The following CFAP47 variants were observed in gnomAD, a reference collection of about 807,000 sequenced individuals.
CFAP47 encodes the protein cilia- and flagella-associated protein 47.
CFAP47 carries 29 observed loss-of-function variants against 148.1 expected under a neutral mutation model. That is an observed-to-expected ratio of 0.20 (90% CI 0.15 to 0.27). The LOEUF (loss-of-function observed/expected upper bound fraction) is 0.27. Among genes scored for constraint, CFAP47 ranks in the 10% least tolerant of loss-of-function variants. The pLI is 1.00. For synonymous variants in CFAP47, 664 were observed against 577.3 expected (o/e 1.15, Z -2.15); for missense variants, 1,872 against 1,697.5 (o/e 1.10, Z -1.81).
chrX:36,162,582 A>G (rs769991181), intron 39 of CFAP47, among the ~76,000 whole-genome samples: 1 of 111,706 alleles, frequency 9.0e-6, no homozygotes, highest in South Asian at 3.7e-4. Flanking sequence ...CCAATATTGT[A>G]TGCATAAGTG....
At chrX:35,924,551 G>GCACC (rs1569202380) in intron 1 of CFAP47, among the ~76,000 whole-genome samples, 1 of 99,942 alleles carries the variant, frequency 1.0e-5, no homozygotes, top group African/African-American at 4.2e-5. Flanking sequence ...ACCTATATGT[G>GCACC]TATATATGCG....
rs1409568411 is a variant in CFAP47, at chrX:36,353,693, A to G, written c.8851+12A>G. On this transcript the variant is annotated intron_variant, in intron 60 of 63. Transcript: ENST00000378653. Reference sequence around the variant, plus strand: ...TGAGGATCCCAATGGTAAGAGAACTACGGTTATAGAAAAAATAAAATGAAA... The same window carrying G: ...TGAGGATCCCAATGGTAAGAGAACTGCGGTTATAGAAAAAATAAAATGAAA... The G allele has an allele frequency of 1.8e-6, 2 of 1,108,559 alleles. No homozygotes were observed. Among genetic ancestry groups the G allele is most frequent in the African/African-American group, 1.9e-5 (1 of 53,395 alleles). 91.4% of individuals were successfully genotyped at this position (1,108,559 alleles called of 1,213,427 possible).
rs1302714400 is a variant in CFAP47 at position 36,019,240 on chromosome X, C to A, written c.3556+4328C>A. 5.4e-5 allele frequency among the ~76,000 whole-genome samples: 6 copies of A among 111,659 alleles called. No individual in the cohort carries two copies. The East Asian group carries it at 1.7e-3, about 32-fold the overall frequency. Reference sequence around the variant, plus strand: ...GTCCTGTAAACAGTTAAGACTGTGGCCTCAATCAGTCAGTGAGATTTGCAT... The same window carrying A: ...GTCCTGTAAACAGTTAAGACTGTGGACTCAATCAGTCAGTGAGATTTGCAT... On this transcript the variant is annotated intron_variant, in intron 22 of 63. Coordinates refer to ENST00000378653, the MANE Select transcript of CFAP47 (RefSeq NM_001304548.2).
chrX:35,954,244 T>G (rs1936211259), intron 7 of CFAP47, among the ~76,000 whole-genome samples: 1 of 110,723 alleles, frequency 9.0e-6, no homozygotes, highest in African/African-American at 3.3e-5. Flanking sequence ...CAGGTTATAT[T>G]AGGTTGGTTA....
At chrX:36,012,723 T>C (rs1172871127) in intron 21 of CFAP47, among the ~76,000 whole-genome samples, 2 of 111,433 alleles carry the variant, frequency 1.8e-5, no homozygotes, top group African/African-American at 3.3e-5. Context: ...ATGCGGGGCT[T>C]AAAACCTAGA....
At chrX:36,181,309 A>T (rs1055444209) in intron 40 of CFAP47, among the ~76,000 whole-genome samples, 1 of 111,498 alleles carries the variant, frequency 9.0e-6, no homozygotes, top group African/African-American at 3.3e-5. Flanking sequence ...GAGTTCTGGG[A>T]TTGTTGAAGC....
At chrX:36,285,584 G>A in intron 50 of CFAP47, 45 bp from the exon 51 acceptor site, 1 of 535,217 alleles carries the variant, frequency 1.9e-6, no homozygotes, top group Non-Finnish European at 3.2e-6. Flanking sequence ...GTTAAGTATG[G>A]TATTCTGAAG....
At chrX:36,105,069 A>C (rs1464384531) in intron 33 of CFAP47, among the ~76,000 whole-genome samples, 2 of 111,768 alleles carry the variant, frequency 1.8e-5, no homozygotes, top group Admixed American at 1.9e-4. Context: ...CCTAGAAAAA[A>C]TTTCACATGT....
intron 10 of CFAP47, among the ~76,000 whole-genome samples, chrX:35,968,689 A>G (rs1307995142): frequency 1.8e-5 from 2 of 111,023 alleles, no homozygotes; most frequent in Non-Finnish European, 3.8e-5. Flanking sequence ...TTTATTGTCT[A>G]TGATAGGAAA....
chrX:36,073,715 A>G (rs1161554520), intron 29 of CFAP47, among the ~76,000 whole-genome samples: 4 of 111,212 alleles, frequency 3.6e-5, no homozygotes, highest in Non-Finnish European at 7.6e-5. Flanking sequence ...AGCCAGGTAG[A>G]CAGGTAATGG....
chrX:36,063,865 C>A (rs1937614435), intron 26 of CFAP47, among the ~76,000 whole-genome samples: 1 of 111,838 alleles, frequency 8.9e-6, no homozygotes, highest in Non-Finnish European at 1.9e-5. Context: ...GCAACCTAAT[C>A]CTGTAGGTTT....
intron 30 of CFAP47, among the ~76,000 whole-genome samples, chrX:36,093,027 G>A (rs1938212466): frequency 9.1e-6 from 1 of 110,367 alleles, no homozygotes; most frequent in African/African-American, 3.3e-5. Context: ...TTCTGTGCTT[G>A]GCTTATTTCA....
chrX:36,157,133 C>T (rs1939377442), intron 37 of CFAP47, among the ~76,000 whole-genome samples: 1 of 111,516 alleles, frequency 9.0e-6, no homozygotes, highest in Admixed American at 9.6e-5. Context: ...CATCTTTATA[C>T]TAGACTGCCA....
At chrX:36,313,412 C>T (rs782711523) in intron 56 of CFAP47, among the ~76,000 whole-genome samples, 669 of 110,556 alleles carry the variant, frequency 6.1e-3, no homozygotes, top group African/African-American at 0.021. Flanking sequence ...AATTCACTCA[C>T]TCTCATCAGA....
rs185087583 is a variant in CFAP47, at chrX:36,021,496, G to T, written c.3556+6584G>T. Among the ~76,000 whole-genome samples the T allele has an allele frequency of 5.4e-3, 589 of 110,045 alleles. 6 individuals carry two copies. The highest frequency in any genetic ancestry group is 0.019 in the African/African-American group (563 of 30,222). ...TTTTTGTGTTTTTATTTTTTTAATT[G>T]TTTATTTACTCATTTTACTATACTT... On this transcript the variant is annotated intron_variant, in intron 22 of 63. Transcript: ENST00000378653.
intron 19 of CFAP47, among the ~76,000 whole-genome samples, chrX:35,999,482 A>T (rs953651055): frequency 8.9e-6 from 1 of 112,081 alleles, no homozygotes; most frequent in African/African-American, 3.2e-5. Flanking sequence ...TAGATGTTGG[A>T]TAGGTGCTAG....
At chrX:36,359,449 A>AT (rs1267099930) in intron 60 of CFAP47, among the ~76,000 whole-genome samples, 5 of 112,068 alleles carry the variant, frequency 4.5e-5, no homozygotes, top group African/African-American at 1.3e-4. Flanking sequence ...ATTAAAAGCC[A>AT]TTTTTTATTG....
chrX:35,983,286 A>G (rs769168417), intron 15 of CFAP47, among the ~76,000 whole-genome samples: 10 of 111,739 alleles, frequency 8.9e-5, no homozygotes, highest in Admixed American at 4.8e-4. Context: ...ACTGATTTTT[A>G]TACATTGATT....
chrX:36,290,626 G>T (rs138590478), intron 51 of CFAP47, among the ~76,000 whole-genome samples: 282 of 112,099 alleles, frequency 2.5e-3, no homozygotes, highest in Middle Eastern at 9.2e-3. Flanking sequence ...GAGATGGAGG[G>T]AATTTGGTCC....
Sources: allele counts gnomAD v4.1 joint callset (sites outside exome capture counted in the v4.1 genomes callset), GRCh38; gene constraint gnomAD v4.1.1; transcripts MANE v1.5; gene names NCBI Gene and HGNC (gene_info 2026-07-23, HGNC 2026-07-21).